The following SV2C variants were observed in gnomAD, a reference collection of about 807,000 sequenced individuals.
SV2C encodes solute carrier family 22 member B3.
Under a neutral mutation model 79.7 loss-of-function variants are expected in SV2C, and 49 were observed. The observed-to-expected ratio is 0.61, with a 90% CI of 0.49 to 0.78. The LOEUF is 0.78. Ranked by LOEUF, SV2C falls within the 30% of genes least tolerant of loss-of-function variation. The pLI is 0.00. For synonymous variants in SV2C, 334 were observed against 333.2 expected (o/e 1.00, Z -0.03); for missense variants, 833 against 912.9 (o/e 0.91, Z 1.13).
the SV2C span, among the ~76,000 whole-genome samples, chr5:75,907,720 G>C: frequency 1.3e-5 from 2 of 152,260 alleles, no homozygotes; most frequent in East Asian, 3.9e-4. Flanking sequence ...AATAGTCATT[G>C]GTTTTGAAAA....
intron 8 of SV2C, among the ~76,000 whole-genome samples, chr5:76,293,117 T>G (rs924594183): frequency 1.3e-5 from 2 of 152,146 alleles, no homozygotes; most frequent in African/African-American, 4.8e-5. Flanking sequence ...GCTTGTGACT[T>G]GGAGACATTT....
At chr5:76,096,383 C>G (rs1023744842) in intron 1 of SV2C, among the ~76,000 whole-genome samples, 1 of 152,170 alleles carries the variant, frequency 6.6e-6, no homozygotes, top group Non-Finnish European at 1.5e-5. Context: ...ATTGCCACAT[C>G]ATGCTGCTTA....
At chr5:76,215,381 G>A (rs763604176) in intron 4 of SV2C, among the ~76,000 whole-genome samples, 9 of 152,128 alleles carry the variant, frequency 5.9e-5, no homozygotes, top group East Asian at 1.9e-4. Context: ...TTGAGTTTCC[G>A]TATTGTTGGT....
the SV2C span, among the ~76,000 whole-genome samples, chr5:75,951,580 G>T: frequency 6.6e-6 from 1 of 151,972 alleles, no homozygotes. Context: ...CAAGCCAGAA[G>T]GTAATAAAAG....
At chr5:75,968,246 G>A in the SV2C span, among the ~76,000 whole-genome samples, 4,958 of 152,184 alleles carry the variant, frequency 0.033, 227 homozygotes, top group African/African-American at 0.1. Flanking sequence ...CAGAAAAACC[G>A]GAAACTCTAA....
intron 2 of SV2C, chr5:76,170,924 GC>G: frequency 2.3e-6 from 1 of 442,478 alleles, no homozygotes; most frequent in Non-Finnish European, 3.1e-6. Flanking sequence ...GGCCCCAGCT[GC>G]AGCTATGAAG....
chr5:76,288,124 A>G (rs574989751), intron 6 of SV2C, among the ~76,000 whole-genome samples: 1 of 152,078 alleles, frequency 6.6e-6, no homozygotes, highest in African/African-American at 2.4e-5. Context: ...TGTTTTGTCT[A>G]CAGTAGGTTG....
intron 1 of SV2C, among the ~76,000 whole-genome samples, chr5:76,116,098 A>G (rs1035470635): frequency 6.6e-6 from 1 of 152,222 alleles, no homozygotes; most frequent in Non-Finnish European, 1.5e-5. Flanking sequence ...CATCCAACAG[A>G]GTAGGTTCTA....
the SV2C span, among the ~76,000 whole-genome samples, chr5:76,007,153 T>C: frequency 2.0e-5 from 3 of 152,028 alleles, no homozygotes; most frequent in Non-Finnish European, 1.5e-5. Context: ...CTAGAGTCTA[T>C]GCAGTGATTT....
upstream of SV2C, among the ~76,000 whole-genome samples, chr5:76,083,021 A>C (rs959336499): frequency 6.6e-6 from 1 of 152,238 alleles, no homozygotes; most frequent in Non-Finnish European, 1.5e-5. Context: ...GCACAGTCAC[A>C]GTTGGTGACT....
At chr5:75,895,994 T>C in the SV2C span, among the ~76,000 whole-genome samples, 3 of 152,254 alleles carry the variant, frequency 2.0e-5, no homozygotes, top group East Asian at 5.8e-4. Flanking sequence ...ACATACAAAA[T>C]GCACATACAT....
chr5:75,880,133 GGACCTGTTATGGGAGGGGCTGCCTCAGA>G, the SV2C span, among the ~76,000 whole-genome samples: 1 of 152,098 alleles, frequency 6.6e-6, no homozygotes, highest in Non-Finnish European at 1.5e-5. Context: ...TTAGGCCTCT[GGACCTGTTATGGGAGGGGCTGCCTCAGA>G]GATATCTGAA....
chr5:76,337,255 T>A (rs1256210491), downstream of SV2C, among the ~76,000 whole-genome samples: 2 of 152,168 alleles, frequency 1.3e-5, no homozygotes, highest in African/African-American at 4.8e-5. Context: ...TCTCTCTGTG[T>A]CTTCAGATAG....
intron 12 of SV2C, among the ~76,000 whole-genome samples, chr5:76,315,221 T>C (rs796954998): frequency 7.1e-5 from 10 of 141,374 alleles, no homozygotes; most frequent in African/African-American, 1.1e-4. Flanking sequence ...CACACACACA[T>C]AATAGATACT....
chr5:76,051,622 C>G, the SV2C span, among the ~76,000 whole-genome samples: 1 of 152,060 alleles, frequency 6.6e-6, no homozygotes. Context: ...GTGAGAGGAG[C>G]AGGTCATAAA....
chr5:75,940,937 T>C, the SV2C span, among the ~76,000 whole-genome samples: 1 of 152,240 alleles, frequency 6.6e-6, no homozygotes, highest in Non-Finnish European at 1.5e-5. Context: ...TATAAGGTTA[T>C]CTACCCACAT....
chr5:76,018,100 G>A, the SV2C span, among the ~76,000 whole-genome samples: 9 of 152,262 alleles, frequency 5.9e-5, 1 homozygote, highest in East Asian at 1.7e-3. Context: ...AGATCCCTGG[G>A]TGGCCTGATT....
At chr5:75,864,198 T>G in the SV2C span, among the ~76,000 whole-genome samples, 9 of 152,212 alleles carry the variant, frequency 5.9e-5, no homozygotes, top group Admixed American at 4.6e-4. Flanking sequence ...AAACTGAGCC[T>G]GATTTTCTCT....
the SV2C span, among the ~76,000 whole-genome samples, chr5:76,018,221 A>G: frequency 1.3e-5 from 2 of 152,190 alleles, no homozygotes; most frequent in Non-Finnish European, 2.9e-5. Flanking sequence ...GTAATGGTGG[A>G]CACTGTTCCC....
Sources: gnomAD v4.1 joint callset for allele counts (sites outside exome capture counted in the v4.1 genomes callset) on GRCh38, gnomAD v4.1.1 for gene constraint, MANE v1.5 for transcripts, NCBI Gene and HGNC (gene_info 2026-07-23, HGNC 2026-07-21) for gene names.